NMT1: variants seen among roughly 807,000 people sequenced by gnomAD.
NMT1 encodes N-myristoyltransferase 1.
Under a neutral mutation model 63.4 loss-of-function variants are expected in NMT1, and 12 were observed. The observed-to-expected ratio is 0.19, with a 90% CI of 0.12 to 0.31. The LOEUF is 0.31. Among genes scored for constraint, NMT1 ranks in the 10% least tolerant of loss-of-function variants. The pLI is 1.00. For synonymous variants in NMT1, 228 were observed against 234.3 expected (o/e 0.97, Z 0.25); for missense variants, 432 against 634.6 (o/e 0.68, Z 3.43).
At chr17:45,086,113 C>A (rs1183440112) in intron 2 of NMT1, among the ~76,000 whole-genome samples, 2 of 150,022 alleles carry the variant, frequency 1.3e-5, no homozygotes, top group Non-Finnish European at 3.0e-5. Context: ...TGAGCCACTG[C>A]GCCCAGCACT....
intron 1 of NMT1, 94 bp from the exon 2 acceptor site, chr17:45,081,550 A>T: frequency 9.1e-7 from 1 of 1,103,586 alleles, no homozygotes; most frequent in Non-Finnish European, 1.3e-6. Context: ...AGGCTTGATT[A>T]AGGAAGGTCT....
intron 2 of NMT1, 122 bp downstream of exon 2, chr17:45,081,874 G>A: frequency 1.3e-6 from 1 of 785,570 alleles, no homozygotes; most frequent in Non-Finnish European, 2.0e-6. Context: ...AGATGGAAGA[G>A]TTGGATCCCA....
intron 8 of NMT1, among the ~76,000 whole-genome samples, chr17:45,100,173 C>T (rs1274367929): frequency 7.2e-5 from 11 of 152,130 alleles, no homozygotes; most frequent in South Asian, 2.1e-4. Context: ...ACTGCAGCCT[C>T]GACCTCCCAG....
Position 45,103,320 on chromosome 17 carries a change from C to A in NMT1, c.1164+199C>A, listed in dbSNP as rs796904457. Among the ~76,000 whole-genome samples the A allele has an allele frequency of 7.2e-5, 11 of 152,326 alleles. 2 individuals carry two copies. Among genetic ancestry groups the A allele is most frequent in the African/African-American group, 2.6e-4 (11 of 41,576 alleles). On this transcript the variant is annotated intron_variant, in intron 9 of 11. Transcript: ENST00000258960. The surrounding 1 kb of genome is among the most constrained non-coding windows in gnomAD (Gnocchi z 4.8). ...GGATCTGGCTTGAGCCCTTCTCCCCCTCTGCCCCACTTTGATAACACAAAA... is the reference window on the plus strand; with the variant it reads ...GGATCTGGCTTGAGCCCTTCTCCCCATCTGCCCCACTTTGATAACACAAAA...
At chr17:45,074,434 T>C (rs2053964728) in intron 1 of NMT1, among the ~76,000 whole-genome samples, 2 of 152,162 alleles carry the variant, frequency 1.3e-5, no homozygotes, top group Admixed American at 1.3e-4. Flanking sequence ...TTAGCCAGGA[T>C]GGTCGCGATC....
rs2143529316 is a variant in NMT1 at position 45,106,538 on chromosome 17, ACCT to A, written c.*903_*905del. The A allele has an allele frequency of 6.6e-6, 1 of 152,632 alleles. No individual in the cohort carries two copies. Among genetic ancestry groups the A allele is most frequent in the African/African-American group, 2.4e-5 (1 of 41,522 alleles). The allele number at this position is 152,632 out of a possible 1,614,324, so 9.5% of individuals were successfully genotyped here. ...TGATGCAGTTTGAAGAGGCCCTTGG[ACCT>A]CCTTGTAACATCAGGGACCTTTGGA... On this transcript the variant is annotated 3_prime_UTR_variant, in exon 12 of 12. Coordinates refer to ENST00000258960, the MANE Select transcript of NMT1 (RefSeq NM_021079.5).
At chr17:45,061,706 T>A in intron 1 of NMT1, 1 of 413,002 alleles carries the variant, frequency 2.4e-6, no homozygotes, top group South Asian at 3.1e-5. Context: ...GTTCCACTCG[T>A]GTGCTTCAGG....
Position 45,103,585 on chromosome 17 carries a change from A to G in NMT1, c.1165-124A>G, listed in dbSNP as rs1378481673. Reference sequence around the variant, plus strand: ...TCCTCCTCCCCACATGTCCTGTTGCAGTTTCCAGCCATTTATCTAGAGGGG... The same window carrying G: ...TCCTCCTCCCCACATGTCCTGTTGCGGTTTCCAGCCATTTATCTAGAGGGG... On this transcript the variant is annotated intron_variant, in intron 9 of 11. Coordinates refer to ENST00000258960, the MANE Select transcript of NMT1 (RefSeq NM_021079.5). This position sits in a 1 kb window ranked among gnomAD's most constrained non-coding sequence, Gnocchi z 4.8. The G allele has an allele frequency of 1.0e-6, 1 of 961,354 alleles. No homozygotes were observed. The highest frequency in any genetic ancestry group is 1.6e-5 in the African/African-American group (1 of 61,240). 59.6% of individuals were successfully genotyped at this position (961,354 alleles called of 1,614,324 possible).
intron 3 of NMT1, among the ~76,000 whole-genome samples, chr17:45,090,355 G>A (rs945744432): frequency 2.0e-5 from 3 of 152,170 alleles, no homozygotes; most frequent in African/African-American, 7.2e-5. Flanking sequence ...TGTAACAACT[G>A]TAAGAGCCGC....
chr17:45,066,431 T>C (rs1308173691), intron 1 of NMT1, among the ~76,000 whole-genome samples: 1 of 152,122 alleles, frequency 6.6e-6, no homozygotes, highest in Non-Finnish European at 1.5e-5. Context: ...TCCTCCGTAA[T>C]TAAATCAGCA....
In NMT1 at chr17:45,104,229, G is replaced by C. The variant is rs2054188565; in HGVS notation, c.1332+353G>C. Reference sequence around the variant, plus strand: ...GGGTGATTGCTGTCTGTCGTGGTGAGTCATTGGAGCATCCAACTGCCAGTA... The same window carrying C: ...GGGTGATTGCTGTCTGTCGTGGTGACTCATTGGAGCATCCAACTGCCAGTA... On this transcript the variant is annotated intron_variant, in intron 10 of 11. Coordinates refer to ENST00000258960, the MANE Select transcript of NMT1 (RefSeq NM_021079.5). This position sits in a 1 kb window ranked among gnomAD's most constrained non-coding sequence, Gnocchi z 4.2. The C allele has an allele frequency of 8.2e-7, 1 of 1,215,560 alleles. No homozygotes were observed. The highest frequency in any genetic ancestry group is 3.7e-5 in the Admixed American group (1 of 26,814). 75.3% of individuals were successfully genotyped at this position (1,215,560 alleles called of 1,614,324 possible).
chr17:45,087,034 A>C (rs2054059598), intron 3 of NMT1, among the ~76,000 whole-genome samples: 1 of 151,256 alleles, frequency 6.6e-6, no homozygotes. Context: ...AGTGACATGC[A>C]CCTGTAGTCC....
At chr17:45,061,483 A>G (rs752538772) in intron 1 of NMT1, 23 bp downstream of exon 1, 26 of 1,606,246 alleles carry the variant, frequency 1.6e-5, no homozygotes, top group East Asian at 1.6e-4. Context: ...TCGGAGTCCA[A>G]TTCCCGTCCA....
At chr17:45,084,599 C>G (rs1450134617) in intron 2 of NMT1, among the ~76,000 whole-genome samples, 1 of 151,692 alleles carries the variant, frequency 6.6e-6, no homozygotes, top group East Asian at 1.9e-4. Context: ...TCCCAAAGTG[C>G]TAGGATTACA....
chr17:45,064,551 G>A (rs1291645212), intron 1 of NMT1, among the ~76,000 whole-genome samples: 5 of 152,216 alleles, frequency 3.3e-5, no homozygotes, highest in Admixed American at 6.5e-5. Flanking sequence ...GGCCAGGCGC[G>A]GTGGCGCACA....
intron 6 of NMT1, among the ~76,000 whole-genome samples, chr17:45,098,043 T>C (rs1176028587): frequency 6.6e-6 from 1 of 152,160 alleles, no homozygotes; most frequent in Non-Finnish European, 1.5e-5. Context: ...AGAATTGCCT[T>C]GACCTGCCCC....
intron 1 of NMT1, among the ~76,000 whole-genome samples, chr17:45,066,168 C>G (rs59602542): frequency 5.3e-5 from 8 of 152,268 alleles, no homozygotes; most frequent in African/African-American, 1.9e-4. Flanking sequence ...ATTCTCCTGC[C>G]TCAGCCTCCT....
chr17:45,095,865 C>T (rs2054122123), intron 4 of NMT1, among the ~76,000 whole-genome samples: 1 of 152,210 alleles, frequency 6.6e-6, no homozygotes, highest in Non-Finnish European at 1.5e-5. Context: ...AATTCCTTGA[C>T]TAGCTTCGAG....
chr17:45,061,611 C>T lies in NMT1; in HGVS notation c.131+151C>T, dbSNP rs561391997. 5 of 657,170 alleles carry T rather than the reference C, an allele frequency of 7.6e-6. No homozygotes were observed. In the East Asian group the frequency reaches 8.8e-5, roughly 12 times the overall value. The allele number at this position is 657,170 out of a possible 1,614,324, so 40.7% of individuals were successfully genotyped here. On this transcript the variant is annotated intron_variant, in intron 1 of 11. Coordinates refer to ENST00000258960, the MANE Select transcript of NMT1 (RefSeq NM_021079.5). ...ATTCTGCCTGGCGATTGGTTATTGC[C>T]TTTGTCATTTACCAAGGGTGGGTGC...
Sources: allele counts gnomAD v4.1 joint callset (sites outside exome capture counted in the v4.1 genomes callset), GRCh38; gene constraint gnomAD v4.1.1; non-coding constraint Gnocchi (gnomAD v3.1); transcripts MANE v1.5; gene names NCBI Gene and HGNC (gene_info 2026-07-23, HGNC 2026-07-21).